The following LRP1B variants were observed in gnomAD, a reference collection of about 807,000 sequenced individuals.
LRP1B encodes low-density lipoprotein receptor-related protein 1B.
LRP1B carries 217 observed loss-of-function variants against 556.6 expected under a neutral mutation model. The ratio of observed to expected loss-of-function variants is 0.39; its 90% CI spans 0.35 to 0.44. LRP1B has a LOEUF of 0.44. Ranked by LOEUF, LRP1B falls within the 20% of genes least tolerant of loss-of-function variation. The probability of loss-of-function intolerance (pLI) is 1.00; values close to 1 mark genes in which losing one functional copy is unlikely to be tolerated. For synonymous variants in LRP1B, 2,047 were observed against 1,865.8 expected (o/e 1.10, Z -2.50); for missense variants, 5,053 against 5,620.8 (o/e 0.90, Z 3.23).
At chr2:140,625,871 T>C (rs1683639993) in intron 41 of LRP1B, among the ~76,000 whole-genome samples, 1 of 152,204 alleles carries the variant, frequency 6.6e-6, no homozygotes. Context: ...TCATTCACCC[T>C]ATTATTACCC....
chr2:141,301,354 T>G (rs1686390833), intron 3 of LRP1B, among the ~76,000 whole-genome samples: 1 of 152,200 alleles, frequency 6.6e-6, no homozygotes, highest in South Asian at 2.1e-4. Flanking sequence ...AGTGAATATG[T>G]TGTTTTAAAC....
chr2:141,975,930 T>C (rs1701873697), intron 1 of LRP1B, among the ~76,000 whole-genome samples: 1 of 152,162 alleles, frequency 6.6e-6, no homozygotes, highest in Non-Finnish European at 1.5e-5. Context: ...AAATCATTCA[T>C]TGTTCTGTTA....
chr2:140,484,788 C>A (rs1688398861), intron 59 of LRP1B, among the ~76,000 whole-genome samples: 1 of 152,166 alleles, frequency 6.6e-6, no homozygotes, highest in South Asian at 2.1e-4. Flanking sequence ...TGGGTCCTTA[C>A]TATGACTTCT....
At chr2:140,321,582 T>TAATC (rs1346122882) in intron 82 of LRP1B, among the ~76,000 whole-genome samples, 3 of 152,130 alleles carry the variant, frequency 2.0e-5, no homozygotes, top group African/African-American at 7.2e-5. Flanking sequence ...ACACAAGAGG[T>TAATC]AATCAATAGA....
At chr2:140,287,931 TA>T (rs1019468712) in intron 84 of LRP1B, among the ~76,000 whole-genome samples, 3 of 151,790 alleles carry the variant, frequency 2.0e-5, no homozygotes, top group African/African-American at 4.8e-5. Context: ...TGTAGTGGAT[TA>T]AAAAATGTCT....
chr2:140,844,834 T>C (rs1463581033), intron 29 of LRP1B, among the ~76,000 whole-genome samples: 1 of 152,104 alleles, frequency 6.6e-6, no homozygotes, highest in African/African-American at 2.4e-5. Flanking sequence ...TAACACACAC[T>C]CACACATTAG....
At chr2:141,019,887 T>C in intron 12 of LRP1B, 35 bp downstream of exon 12, 1 of 1,421,388 alleles carries the variant, frequency 7.0e-7, no homozygotes, top group Non-Finnish European at 9.5e-7. Context: ...TCTATTATCA[T>C]TTTTCTTATA....
intron 2 of LRP1B, among the ~76,000 whole-genome samples, chr2:141,730,874 C>T (rs1018649018): frequency 6.6e-6 from 1 of 152,142 alleles, no homozygotes; most frequent in African/African-American, 2.4e-5. Context: ...ATTTGGGGAA[C>T]CCCACAGTTT....
chr2:141,370,179 A>C (rs1689180075), intron 3 of LRP1B, among the ~76,000 whole-genome samples: 1 of 151,982 alleles, frequency 6.6e-6, no homozygotes, highest in Non-Finnish European at 1.5e-5. Flanking sequence ...CAGTAGTGGG[A>C]CTGCTGCATC....
At chr2:141,292,005 C>A (rs904789166) in intron 3 of LRP1B, among the ~76,000 whole-genome samples, 6 of 152,036 alleles carry the variant, frequency 3.9e-5, no homozygotes, top group Admixed American at 2.0e-4. Context: ...TGAACTACTA[C>A]CAGTCCGTGG....
intron 1 of LRP1B, among the ~76,000 whole-genome samples, chr2:141,962,308 G>A (rs1241327818): frequency 1.3e-5 from 2 of 151,670 alleles, no homozygotes; most frequent in Non-Finnish European, 3.0e-5. Context: ...GGAAAAATAA[G>A]TCAAGATGCA....
chr2:140,943,493 C>G (rs771043312), intron 20 of LRP1B, among the ~76,000 whole-genome samples: 2 of 152,022 alleles, frequency 1.3e-5, no homozygotes, highest in Non-Finnish European at 2.9e-5. Context: ...TGCAGTCAAA[C>G]ATAATCTAAG....
chr2:142,125,782 G>T (rs1182026683), intron 1 of LRP1B, among the ~76,000 whole-genome samples: 1 of 151,636 alleles, frequency 6.6e-6, no homozygotes, highest in Non-Finnish European at 1.5e-5. Context: ...AAAATAAAAA[G>T]CATCCCTTGA....
intron 52 of LRP1B, among the ~76,000 whole-genome samples, 185 bp downstream of exon 52, chr2:140,509,743 A>G (rs1403765622): frequency 6.6e-6 from 1 of 152,268 alleles, no homozygotes; most frequent in Non-Finnish European, 1.5e-5. Context: ...AACATTGAAC[A>G]GTAGTTAAAG....
At chr2:141,891,400 G>A (rs747167558) in intron 1 of LRP1B, among the ~76,000 whole-genome samples, 3 of 152,078 alleles carry the variant, frequency 2.0e-5, no homozygotes, top group Non-Finnish European at 4.4e-5. Flanking sequence ...AATGTCAACA[G>A]CATTCCCTTA....
At chr2:141,938,783 T>A (rs991879684) in intron 1 of LRP1B, among the ~76,000 whole-genome samples, 2 of 152,106 alleles carry the variant, frequency 1.3e-5, no homozygotes, top group Non-Finnish European at 2.9e-5. Context: ...TATATGTGTA[T>A]CTATATATAC....
intron 90 of LRP1B, among the ~76,000 whole-genome samples, chr2:140,233,799 G>A (rs149018950): frequency 6.6e-6 from 1 of 151,396 alleles, no homozygotes; most frequent in Non-Finnish European, 1.5e-5. Flanking sequence ...AAACAAAAAT[G>A]TAAAGAAATG....
chr2:140,709,250 A>C, intron 37 of LRP1B, among the ~76,000 whole-genome samples: 1 of 152,248 alleles, frequency 6.6e-6, no homozygotes, highest in Non-Finnish European at 1.5e-5. Context: ...TGTTTCAGTT[A>C]GAGATTATAT....
At position 141,072,748 on chromosome 2, in the gene LRP1B, A is replaced by C. The variant is rs74565229; in HGVS notation, c.1014-10475T>G. 4.5e-4 allele frequency among the ~76,000 whole-genome samples: 68 copies of C among 151,962 alleles called. 1 individual carries two copies. The East Asian group carries it at 0.012, about 28-fold the overall frequency. On this transcript the variant is annotated intron_variant, in intron 7 of 90. Transcript: ENST00000389484. ...GATTCACTTCACCTCACATCTCTCA[A>C]CTCCAGAAGGATAGTCTTGCCTCTT...
Sources: allele counts gnomAD v4.1 joint callset (sites outside exome capture counted in the v4.1 genomes callset), GRCh38; gene constraint gnomAD v4.1.1; transcripts MANE v1.5; gene names NCBI Gene and HGNC (gene_info 2026-07-23, HGNC 2026-07-21).